Variants in ELMO1 observed in about 807,000 individuals in gnomAD.
ELMO1 encodes engulfment and cell motility protein 1.
ELMO1 carries 26 observed loss-of-function variants against 98.9 expected under a neutral mutation model. The observed-to-expected ratio is 0.26, with a 90% confidence interval of 0.19 to 0.36. The LOEUF is 0.36. Among genes scored for constraint, ELMO1 ranks in the 10% least tolerant of loss-of-function variants. The pLI, the probability that ELMO1 is intolerant of heterozygous loss-of-function variation, is 1.00. For missense variants in ELMO1, 627 were observed against 935.2 expected (o/e 0.67, Z 4.30); for synonymous variants, 346 against 346.0 (o/e 1.00, Z 0.00).
At chr7:37,387,236 G>A (rs1156898702) in intron 1 of ELMO1, among the ~76,000 whole-genome samples, 1 of 152,216 alleles carries the variant, frequency 6.6e-6, no homozygotes, top group Non-Finnish European at 1.5e-5. Context: ...AGTTCCGAGT[G>A]CTGCCTTAAC....
In ELMO1 at chr7:37,213,416, C is replaced by T. The variant is rs1162849478; in HGVS notation, c.873G>A (p.Ala291=). ...GCACTTGTAGAACATACAGCTGGTG[C>T]GCCATCTCATTGTTGATGGCCCGCT... ...RAQRAINNEM[A]HQLYVLQVLT... is the part of the protein sequence containing the mutation. The change falls in exon 12 of 22, where the codon GCG becomes GCA. Residue 291 remains alanine, a synonymous_variant. Transcript: ENST00000310758. 5.0e-6 allele frequency: 8 copies of T among 1,612,298 alleles called. No homozygotes were observed. Among genetic ancestry groups the T allele is most frequent in the East Asian group, 2.2e-5 (1 of 44,840 alleles).
intron 1 of ELMO1, among the ~76,000 whole-genome samples, chr7:37,440,585 A>G (rs909936722): frequency 2.6e-5 from 4 of 152,106 alleles, no homozygotes; most frequent in African/African-American, 7.2e-5. Flanking sequence ...CCTGACCAAC[A>G]TGGTGAAACC....
At chr7:36,917,110 G>C (rs2129070949) in intron 16 of ELMO1, among the ~76,000 whole-genome samples, 1 of 152,102 alleles carries the variant, frequency 6.6e-6, no homozygotes, top group East Asian at 1.9e-4. Flanking sequence ...AATAATACTT[G>C]GTTGCTTTTA....
At chr7:37,279,130 A>C (rs1403952233) in intron 4 of ELMO1, among the ~76,000 whole-genome samples, 1 of 152,164 alleles carries the variant, frequency 6.6e-6, no homozygotes, top group East Asian at 1.9e-4. Context: ...TGAAACTGGA[A>C]GGTGGAGGTT....
intron 13 of ELMO1, among the ~76,000 whole-genome samples, chr7:37,173,354 T>C (rs529961475): frequency 2.0e-4 from 30 of 151,906 alleles, no homozygotes; most frequent in African/African-American, 7.2e-4. Flanking sequence ...AAAGGACCAT[T>C]GAGGGAGTAC....
chr7:37,448,016 C>A (rs1208841261), intron 1 of ELMO1, among the ~76,000 whole-genome samples: 1 of 151,984 alleles, frequency 6.6e-6, no homozygotes, highest in African/African-American at 2.4e-5. Context: ...TCGGCGGAGA[C>A]CCCGGTGTGT....
Position 36,950,659 on chromosome 7 carries a change from C to T in ELMO1, c.1438-55642G>A, listed in dbSNP as rs143706648. ...CAGGAATACTGCTCTTCCAGCAGAC[C>T]GAGTCATTTAGGTATTTCTCAAATG... On this transcript the variant is annotated intron_variant, in intron 16 of 21. Transcript: ENST00000310758. Among the ~76,000 whole-genome samples, 13 of 152,286 alleles carry T rather than the reference C, an allele frequency of 8.5e-5. No homozygotes were observed. In the East Asian group the frequency reaches 1.9e-3, roughly 23 times the overall value.
rs184067882 is a variant in ELMO1 at position 37,378,076 on chromosome 7, G to A, written c.-73-35313C>T. Among the ~76,000 whole-genome samples, 253 of 152,272 alleles carry A rather than the reference G, an allele frequency of 1.7e-3. 1 individual carries two copies. Among genetic ancestry groups the A allele is most frequent in the African/African-American group, 5.7e-3 (238 of 41,584 alleles). ...TTCCCAAGGCAATTCCCAAAGATGG[G>A]AGGAGAAGTCAGAAGTACAACCCAA... On this transcript the variant is annotated intron_variant, in intron 1 of 21. Coordinates refer to ENST00000310758, the MANE Select transcript of ELMO1 (RefSeq NM_014800.11).
At chr7:36,891,488 A>G (rs1300549689) in intron 17 of ELMO1, among the ~76,000 whole-genome samples, 2 of 152,120 alleles carry the variant, frequency 1.3e-5, no homozygotes, top group East Asian at 3.9e-4. Flanking sequence ...ATGGATTTCT[A>G]TTGTCCTTTC....
At chr7:37,177,027 C>T (rs1283011302) in intron 13 of ELMO1, among the ~76,000 whole-genome samples, 4 of 152,122 alleles carry the variant, frequency 2.6e-5, no homozygotes, top group African/African-American at 7.2e-5. Context: ...CAGAAATGGA[C>T]ATTGTATGTT....
intron 20 of ELMO1, among the ~76,000 whole-genome samples, chr7:36,868,535 C>T (rs767439670): frequency 2.6e-5 from 4 of 151,922 alleles, no homozygotes; most frequent in South Asian, 4.2e-4. Flanking sequence ...TTAGTACAGA[C>T]GAGGTTTCAC....
At chr7:37,259,075 A>G in intron 6 of ELMO1, 106 bp downstream of exon 6, 3 of 1,315,506 alleles carry the variant, frequency 2.3e-6, no homozygotes, top group Non-Finnish European at 3.0e-6. Flanking sequence ...AGTCTAACCA[A>G]GGCTCTGGTC....
chr7:37,195,377 C>G (rs1202231918), intron 13 of ELMO1, among the ~76,000 whole-genome samples: 1 of 152,226 alleles, frequency 6.6e-6, no homozygotes, highest in East Asian at 1.9e-4. Flanking sequence ...ACACATTAGT[C>G]TCTTATTTTT....
chr7:37,075,946 G>A (rs1797554786), intron 15 of ELMO1, among the ~76,000 whole-genome samples: 1 of 152,192 alleles, frequency 6.6e-6, no homozygotes, highest in Non-Finnish European at 1.5e-5. Flanking sequence ...GTAATTTCAA[G>A]GTGAATTGCC....
intron 1 of ELMO1, among the ~76,000 whole-genome samples, chr7:37,407,507 CAA>C (rs34117162): frequency 2.5e-4 from 23 of 91,634 alleles, no homozygotes; most frequent in East Asian, 2.7e-4. Flanking sequence ...AACTCCATCT[CAA>C]AAAAAAAAAA....
rs145055245 is a variant in ELMO1 at position 37,081,386 on chromosome 7, T to C, written c.1300+15233A>G. 5.9e-5 allele frequency among the ~76,000 whole-genome samples: 9 copies of C among 152,334 alleles called. No individual in the cohort carries two copies. In the East Asian group the frequency reaches 1.7e-3, roughly 29 times the overall value. On this transcript the variant is annotated intron_variant, in intron 15 of 21. Transcript: ENST00000310758. ...AAAAGAATCAGGATATAAAGTAATA[T>C]GCGTATTAGTTCATTTTTATAATAA...
chr7:36,903,927 G>A (rs1012313989), intron 16 of ELMO1, among the ~76,000 whole-genome samples: 5 of 152,232 alleles, frequency 3.3e-5, no homozygotes, highest in African/African-American at 1.2e-4. Flanking sequence ...ACAGGGGACT[G>A]TGCCTGCTCT....
At chr7:37,193,905 C>CA (rs1791809383) in intron 13 of ELMO1, among the ~76,000 whole-genome samples, 2 of 152,172 alleles carry the variant, frequency 1.3e-5, no homozygotes, top group South Asian at 4.1e-4. Flanking sequence ...GAGAAGAACC[C>CA]ACTCTAGGCT....
chr7:36,943,234 C>A (rs2129096988), intron 16 of ELMO1, among the ~76,000 whole-genome samples: 2 of 152,366 alleles, frequency 1.3e-5, no homozygotes, highest in East Asian at 3.9e-4. Context: ...TGTGTACGTT[C>A]AGTATCCCTT....
Sources: allele counts gnomAD v4.1 joint callset (sites outside exome capture counted in the v4.1 genomes callset), GRCh38; gene constraint gnomAD v4.1.1; transcripts MANE v1.5; gene names NCBI Gene and HGNC (gene_info 2026-07-23, HGNC 2026-07-21).